Variants in LINGO1 observed in about 807,000 individuals in gnomAD.
LINGO1 encodes the protein leucine-rich repeat and immunoglobulin-like domain-containing nogo receptor-interacting protein 1.
LINGO1 carries 11 observed loss-of-function variants against 37.3 expected under a neutral mutation model. The observed-to-expected ratio is 0.29, with a 90% confidence interval of 0.19 to 0.49. The LOEUF is 0.49. LINGO1 is among the 20% of genes least tolerant of loss of function. The probability of loss-of-function intolerance (pLI) is 0.99; values close to 1 mark genes in which losing one functional copy is unlikely to be tolerated. For missense variants in LINGO1, 585 were observed against 878.2 expected (o/e 0.67, Z 4.22); for synonymous variants, 387 against 403.0 (o/e 0.96, Z 0.48).
chr15:77,722,269 C>T (rs2076058544), intron 2 of LINGO1, among the ~76,000 whole-genome samples: 1 of 152,222 alleles, frequency 6.6e-6, no homozygotes, highest in African/African-American at 2.4e-5. Context: ...CTGGCTGAGC[C>T]TCTGGGCTGG....
intron 1 of LINGO1, among the ~76,000 whole-genome samples, chr15:77,815,048 C>A (rs1372386326): frequency 1.3e-5 from 2 of 152,240 alleles, no homozygotes; most frequent in Non-Finnish European, 2.9e-5. Context: ...CCTGCCAAGG[C>A]CCAGTCTCCA....
At chr15:77,654,249 A>G (rs964656127) in intron 3 of LINGO1, among the ~76,000 whole-genome samples, 4 of 152,028 alleles carry the variant, frequency 2.6e-5, no homozygotes, top group Non-Finnish European at 4.4e-5. Flanking sequence ...GTTGTTTGAA[A>G]TCTCTGAGAT....
intron 1 of LINGO1, among the ~76,000 whole-genome samples, chr15:77,782,006 C>T (rs916458399): frequency 1.3e-5 from 2 of 152,086 alleles, no homozygotes; most frequent in African/African-American, 2.4e-5. Context: ...GGAAAGGACC[C>T]GAAATCAACA....
At chr15:77,802,504 G>T (rs569911601) in intron 1 of LINGO1, among the ~76,000 whole-genome samples, 1 of 152,208 alleles carries the variant, frequency 6.6e-6, no homozygotes, top group South Asian at 2.1e-4. Context: ...GCAAACTGCA[G>T]AGATCAGGCC....
intron 2 of LINGO1, among the ~76,000 whole-genome samples, chr15:77,721,070 C>A (rs1419623213): frequency 6.6e-6 from 1 of 152,108 alleles, no homozygotes; most frequent in Non-Finnish European, 1.5e-5. Context: ...TGCTCACATT[C>A]ACCCCTACCC....
At chr15:77,701,396 T>C (rs1596130002), upstream of LINGO1, among the ~76,000 whole-genome samples, 1 of 152,160 alleles carries the variant, frequency 6.6e-6, no homozygotes, top group East Asian at 1.9e-4. Flanking sequence ...TTCCAGCAGC[T>C]CTATACCCAC....
At chr15:77,728,075 C>T (rs1379645880) in intron 2 of LINGO1, among the ~76,000 whole-genome samples, 1 of 152,202 alleles carries the variant, frequency 6.6e-6, no homozygotes, top group Non-Finnish European at 1.5e-5. Context: ...CTTCAGAGAG[C>T]CCCAGGTCAG....
chr15:77,746,184 G>GGA (rs1749190370), intron 1 of LINGO1, among the ~76,000 whole-genome samples: 2 of 148,758 alleles, frequency 1.3e-5, no homozygotes, highest in South Asian at 4.3e-4. Context: ...CTCTAGCCTG[G>GGA]GAGAGAGAGC....
At chr15:77,705,057 C>T (rs977291863) in intron 2 of LINGO1, among the ~76,000 whole-genome samples, 56 of 152,178 alleles carry the variant, frequency 3.7e-4, no homozygotes, top group Non-Finnish European at 6.5e-4. Flanking sequence ...CGGCTCATCC[C>T]TGGCAGGGGC....
At chr15:77,683,652 A>G (rs546871334) in intron 2 of LINGO1, among the ~76,000 whole-genome samples, 1 of 152,168 alleles carries the variant, frequency 6.6e-6, no homozygotes, top group Non-Finnish European at 1.5e-5. Flanking sequence ...TTTTTTAGCA[A>G]TACACAATAA....
chr15:77,804,481 G>T (rs914168032), intron 1 of LINGO1, among the ~76,000 whole-genome samples: 3 of 152,214 alleles, frequency 2.0e-5, no homozygotes, highest in Non-Finnish European at 4.4e-5. Flanking sequence ...TCCCCATCGG[G>T]GAGGGCGAGA....
intron 1 of LINGO1, among the ~76,000 whole-genome samples, chr15:77,782,201 G>A (rs947898265): frequency 1.7e-5 from 2 of 114,772 alleles, no homozygotes; most frequent in African/African-American, 6.5e-5. Flanking sequence ...ATGCTCAAGT[G>A]TGCGCACGCG....
rs552671541 is a variant in LINGO1 at position 77,808,923 on chromosome 15, G to A, written c.-458+11335C>T. 9.2e-5 allele frequency among the ~76,000 whole-genome samples: 14 copies of A among 152,150 alleles called. No homozygotes were observed. The East Asian group carries it at 9.7e-4, about 11-fold the overall frequency. On this transcript the variant is annotated intron_variant, in intron 1 of 5. Coordinates refer to the LINGO1 transcript ENST00000562933. Reference sequence around the variant, plus strand: ...CAGGCCTCGGATGGCCCATATATGCGCACTCAGGCTCCCACTCCACATGCA... The same window carrying A: ...CAGGCCTCGGATGGCCCATATATGCACACTCAGGCTCCCACTCCACATGCA...
chr15:77,782,945 C>T (rs1362950880), intron 1 of LINGO1, among the ~76,000 whole-genome samples: 2 of 152,104 alleles, frequency 1.3e-5, no homozygotes, highest in Non-Finnish European at 2.9e-5. Flanking sequence ...AGGCTGTTTC[C>T]CACCCCTGTC....
rs200430964 is a variant in LINGO1 at position 77,783,679 on chromosome 15, C to G, written c.-257+3190G>C. On this transcript the variant is annotated intron_variant, in intron 1 of 3. Transcript: ENST00000561686. ...GATAGATGAGACTGTATCTCAAAAC[C>G]GTGAGATGCTGCTGCTGCTGCTAAA... Among the ~76,000 whole-genome samples, 9 of 152,276 alleles carry G rather than the reference C, an allele frequency of 5.9e-5. No homozygotes were observed. In the East Asian group the frequency reaches 1.7e-3, roughly 29 times the overall value.
intron 1 of LINGO1, among the ~76,000 whole-genome samples, chr15:77,802,548 T>A (rs2141465360): frequency 6.6e-6 from 1 of 152,088 alleles, no homozygotes; most frequent in African/African-American, 2.4e-5. Context: ...TATGAGTCAA[T>A]CAACAAATTC....
At chr15:77,799,819 G>A (rs1198489765) in intron 1 of LINGO1, among the ~76,000 whole-genome samples, 2 of 152,020 alleles carry the variant, frequency 1.3e-5, no homozygotes, top group African/African-American at 4.8e-5. Flanking sequence ...TTTTTTGAGG[G>A]ATGGGGCTGT....
intron 1 of LINGO1, among the ~76,000 whole-genome samples, chr15:77,626,563 G>A (rs186708371): frequency 6.6e-6 from 1 of 152,292 alleles, no homozygotes; most frequent in East Asian, 1.9e-4. Flanking sequence ...CAGGCACAAT[G>A]GATGCCACTA....
upstream of LINGO1, among the ~76,000 whole-genome samples, chr15:77,790,029 C>T (rs1191888190): frequency 6.6e-6 from 1 of 152,152 alleles, no homozygotes; most frequent in African/African-American, 2.4e-5. Flanking sequence ...GTCTCAACCT[C>T]CTAAAGTGCT....
Sources: allele counts gnomAD v4.1 joint callset (sites outside exome capture counted in the v4.1 genomes callset), GRCh38; gene constraint gnomAD v4.1.1; transcripts MANE v1.5; gene names NCBI Gene and HGNC (gene_info 2026-07-23, HGNC 2026-07-21).